The following STXBP6 variants were observed in gnomAD, a reference collection of about 807,000 sequenced individuals.
STXBP6 encodes syntaxin binding protein 6.
In STXBP6, 21 loss-of-function variants were observed where a neutral mutation model predicts 26.9. The observed-to-expected ratio is 0.78, with a 90% CI of 0.55 to 1.12. STXBP6 has a LOEUF of 1.12. Among genes scored for constraint, STXBP6 ranks in the 50% most tolerant of loss-of-function variants. The pLI is 0.00. For missense variants in STXBP6, 232 were observed against 257.9 expected (o/e 0.90, Z 0.69); for synonymous variants, 97 against 92.6 (o/e 1.05, Z -0.27).
chr14:24,905,068 C>T (rs979503673), intron 2 of STXBP6, among the ~76,000 whole-genome samples: 4 of 152,038 alleles, frequency 2.6e-5, no homozygotes, highest in African/African-American at 9.7e-5. Context: ...ATATAGGTAT[C>T]CTTTCCAAAT....
intron 1 of STXBP6, among the ~76,000 whole-genome samples, chr14:25,002,398 C>T (rs28378964): frequency 8.1e-6 from 1 of 122,886 alleles, no homozygotes; most frequent in Admixed American, 8.2e-5. Context: ...CTCGCTCTGT[C>T]GCCCAGGCTG....
intron 1 of STXBP6, among the ~76,000 whole-genome samples, chr14:24,983,657 A>G (rs928435036): frequency 1.3e-5 from 2 of 152,252 alleles, no homozygotes; most frequent in Non-Finnish European, 2.9e-5. Context: ...AGATGTGTCT[A>G]CCATTAAAAA....
intron 2 of STXBP6, among the ~76,000 whole-genome samples, chr14:24,908,751 C>T (rs375449938): frequency 6.6e-6 from 1 of 152,198 alleles, no homozygotes; most frequent in African/African-American, 2.4e-5. Flanking sequence ...GAACACCAGA[C>T]TAGCAGCAGC....
At chr14:24,953,843 G>A (rs1333109469) in intron 2 of STXBP6, among the ~76,000 whole-genome samples, 1 of 152,206 alleles carries the variant, frequency 6.6e-6, no homozygotes, top group African/African-American at 2.4e-5. Context: ...GCAGAGGCCA[G>A]CATCTTCTTC....
At chr14:25,037,720 T>C (rs890768439) in intron 1 of STXBP6, among the ~76,000 whole-genome samples, 4 of 152,224 alleles carry the variant, frequency 2.6e-5, no homozygotes, top group South Asian at 4.1e-4. Context: ...AAAGTATGTA[T>C]GTTTAGAGCA....
At chr14:24,980,308 A>C (rs563694365) in intron 1 of STXBP6, among the ~76,000 whole-genome samples, 1 of 152,344 alleles carries the variant, frequency 6.6e-6, no homozygotes, top group Admixed American at 6.5e-5. Flanking sequence ...TTTAAGAAAG[A>C]GTTACTGATT....
At chr14:24,863,281 G>C (rs753001874) in intron 2 of STXBP6, among the ~76,000 whole-genome samples, 1 of 152,050 alleles carries the variant, frequency 6.6e-6, no homozygotes, top group Non-Finnish European at 1.5e-5. Context: ...ATCCATGAGG[G>C]AATGAATTTT....
At chr14:24,896,678 G>C (rs182446679) in intron 2 of STXBP6, among the ~76,000 whole-genome samples, 366 of 152,288 alleles carry the variant, frequency 2.4e-3, no homozygotes, top group Non-Finnish European at 3.8e-3. Context: ...GCAGAACAAA[G>C]GAGATAAAGT....
intron 1 of STXBP6, among the ~76,000 whole-genome samples, chr14:24,989,421 C>T (rs1034480671): frequency 3.9e-5 from 6 of 152,148 alleles, no homozygotes; most frequent in African/African-American, 9.7e-5. Flanking sequence ...ATCGTCACAG[C>T]GATTTGGGGG....
chr14:24,983,702 A>G (rs991275112), intron 1 of STXBP6, among the ~76,000 whole-genome samples: 1 of 152,234 alleles, frequency 6.6e-6, no homozygotes, highest in Non-Finnish European at 1.5e-5. Context: ...CTCTCCAGCA[A>G]GCATAACATG....
At chr14:24,974,184 G>T (rs1285297966) in intron 2 of STXBP6, among the ~76,000 whole-genome samples, 1 of 151,594 alleles carries the variant, frequency 6.6e-6, no homozygotes, top group African/African-American at 2.4e-5. Flanking sequence ...GCAAAGCAAC[G>T]ACTTGTGAAC....
chr14:24,822,364 T>C (rs1185588355), intron 4 of STXBP6, among the ~76,000 whole-genome samples: 1 of 152,176 alleles, frequency 6.6e-6, no homozygotes, highest in Admixed American at 6.5e-5. Flanking sequence ...ATACACACAA[T>C]CTTTACCACA....
intron 2 of STXBP6, among the ~76,000 whole-genome samples, chr14:24,863,000 T>C (rs2069594265): frequency 6.6e-6 from 1 of 152,178 alleles, no homozygotes; most frequent in Non-Finnish European, 1.5e-5. Context: ...ATCTAGTTAG[T>C]ACTTTTAAAA....
chr14:24,988,217 TTA>T (rs2074381666), intron 1 of STXBP6, among the ~76,000 whole-genome samples: 1 of 152,234 alleles, frequency 6.6e-6, no homozygotes, highest in Non-Finnish European at 1.5e-5. Context: ...ATACTGGTCC[TTA>T]TTAACAGAGG....
intron 2 of STXBP6, among the ~76,000 whole-genome samples, chr14:24,891,122 A>C (rs916902323): frequency 6.6e-6 from 1 of 152,162 alleles, no homozygotes. Flanking sequence ...AAGGGCTCGT[A>C]ATGTCTTCTG....
intron 2 of STXBP6, among the ~76,000 whole-genome samples, chr14:24,910,999 T>C (rs1566468541): frequency 6.6e-6 from 1 of 152,130 alleles, no homozygotes; most frequent in Non-Finnish European, 1.5e-5. Context: ...TAAAGCTCGA[T>C]ATGCTTTTCT....
At chr14:24,927,276 C>G (rs2072212202) in intron 2 of STXBP6, among the ~76,000 whole-genome samples, 1 of 152,166 alleles carries the variant, frequency 6.6e-6, no homozygotes, top group Admixed American at 6.5e-5. Context: ...GGCTCACTCT[C>G]CAGAGGGTCC....
intron 2 of STXBP6, among the ~76,000 whole-genome samples, chr14:24,891,542 C>A (rs2070787419): frequency 6.6e-6 from 1 of 152,156 alleles, no homozygotes. Context: ...ACCTGCCCGA[C>A]CCTCTCTAAA....
At chr14:24,850,107 CT>C (rs906735960) in intron 4 of STXBP6, among the ~76,000 whole-genome samples, 19 of 151,630 alleles carry the variant, frequency 1.3e-4, no homozygotes, top group South Asian at 4.2e-4. Flanking sequence ...ACACCAATCA[CT>C]TTTTTTTTCC....
Sources: allele counts gnomAD v4.1 joint callset (sites outside exome capture counted in the v4.1 genomes callset), GRCh38; gene constraint gnomAD v4.1.1; transcripts MANE v1.5; gene names NCBI Gene and HGNC (gene_info 2026-07-23, HGNC 2026-07-21).